The following COL6A5 variants were observed in gnomAD, a reference collection of about 807,000 sequenced individuals.
The protein encoded by COL6A5 is collagen type VI alpha 5 chain.
In COL6A5, 48 loss-of-function variants were observed where a neutral mutation model predicts 65.6. That is an observed-to-expected ratio of 0.73 (90% CI 0.58 to 0.93). The LOEUF (loss-of-function observed/expected upper bound fraction) is 0.93. COL6A5 is among the 40% of genes least tolerant of loss of function. The probability of loss-of-function intolerance (pLI) is 0.00; values close to 1 mark genes in which losing one functional copy is unlikely to be tolerated. For synonymous variants in COL6A5, 291 were observed against 322.8 expected (o/e 0.90, Z 1.05); for missense variants, 914 against 928.3 (o/e 0.98, Z 0.20).
intron 5 of COL6A5, among the ~76,000 whole-genome samples, chr3:130,465,880 G>T (rs1489448293): frequency 6.6e-6 from 1 of 151,998 alleles, no homozygotes; most frequent in Non-Finnish European, 1.5e-5. Flanking sequence ...AATTTGCAGG[G>T]TTGAAAACCA....
chr3:130,427,114 G>A (rs1020192472), upstream of COL6A5, among the ~76,000 whole-genome samples: 1 of 152,096 alleles, frequency 6.6e-6, no homozygotes, highest in Non-Finnish European at 1.5e-5. Context: ...ACCAAATATA[G>A]TTTTTATGAA....
chr3:130,370,737 G>A (rs1935524046), intron 1 of COL6A5, among the ~76,000 whole-genome samples: 1 of 152,140 alleles, frequency 6.6e-6, no homozygotes, highest in Non-Finnish European at 1.5e-5. Context: ...ATATTATTTG[G>A]TACCCAAAGG....
At chr3:130,402,059 A>G (rs1358876949) in intron 12 of COL6A5, among the ~76,000 whole-genome samples, 1 of 152,200 alleles carries the variant, frequency 6.6e-6, no homozygotes, top group Non-Finnish European at 1.5e-5. Flanking sequence ...TTTCTTTTAC[A>G]TACCCTTGGC....
At chr3:130,408,268 G>C (rs958583981) in intron 17 of COL6A5, among the ~76,000 whole-genome samples, 1 of 150,148 alleles carries the variant, frequency 6.7e-6, no homozygotes, top group Non-Finnish European at 1.5e-5. Flanking sequence ...CATTCCCGGT[G>C]TGGGGGTGGT....
chr3:130,410,113 G>A (rs1014485751), intron 19 of COL6A5, 39 bp downstream of exon 19: 1 of 1,386,780 alleles, frequency 7.2e-7, no homozygotes, highest in African/African-American at 1.4e-5. Flanking sequence ...GATTAATTCT[G>A]TTATTGATCC....
chr3:130,373,727 A>G (rs1252512888), intron 2 of COL6A5, 22 bp downstream of exon 2: 3 of 1,432,230 alleles, frequency 2.1e-6, no homozygotes, highest in South Asian at 1.3e-5. Context: ...TTTTACGTTT[A>G]TTATTATTTA....
intron 29 of COL6A5, 147 bp downstream of exon 29, chr3:130,424,047 G>T: frequency 1.8e-6 from 1 of 540,904 alleles, no homozygotes; most frequent in Non-Finnish European, 3.3e-6. Context: ...GGGTCTTTGA[G>T]TTTATTTCTA....
chr3:130,396,461 A>G (rs995476360), intron 8 of COL6A5, among the ~76,000 whole-genome samples: 2 of 152,218 alleles, frequency 1.3e-5, no homozygotes, highest in Non-Finnish European at 2.9e-5. Flanking sequence ...ACCTCCACAC[A>G]CGACTGTTTC....
intron 14 of COL6A5, 99 bp downstream of exon 14, chr3:130,405,758 C>A: frequency 9.5e-7 from 1 of 1,047,682 alleles, no homozygotes; most frequent in South Asian, 1.5e-5. Context: ...TTCCATCACT[C>A]CTCTCTCTTT....
intron 20 of COL6A5, 30 bp from the exon 21 acceptor site, chr3:130,413,515 C>T (rs1275267205): frequency 8.4e-6 from 13 of 1,543,502 alleles, no homozygotes; most frequent in African/African-American, 1.4e-5. Flanking sequence ...CAGACATCCA[C>T]ATACTAACAG....
chr3:130,358,373 G>A (rs1337944928), intron 1 of COL6A5, among the ~76,000 whole-genome samples: 1 of 152,012 alleles, frequency 6.6e-6, no homozygotes, highest in East Asian at 1.9e-4. Flanking sequence ...GTCTAAGCAA[G>A]CCAACAAGAA....
intron 4 of COL6A5, among the ~76,000 whole-genome samples, chr3:130,451,199 A>G (rs1012078661): frequency 1.7e-4 from 26 of 152,314 alleles, no homozygotes; most frequent in Middle Eastern, 3.4e-3. Flanking sequence ...GCGACCGGAT[A>G]AGTCCATGCG....
chr3:130,385,508 G>A, intron 5 of COL6A5, 144 bp downstream of exon 5: 1 of 878,996 alleles, frequency 1.1e-6, no homozygotes, highest in Non-Finnish European at 1.7e-6. Flanking sequence ...GAGGGATTCA[G>A]CCCCTCACTT....
chr3:130,400,989 C>T (rs1221304708), intron 10 of COL6A5, 42 bp from the exon 11 acceptor site: 8 of 1,459,052 alleles, frequency 5.5e-6, no homozygotes, highest in Non-Finnish European at 7.3e-6. Flanking sequence ...TTTTCATGTA[C>T]AACCCCTTTG....
At chr3:130,408,768 G>A (rs77856467) in intron 17 of COL6A5, among the ~76,000 whole-genome samples, 4,893 of 152,048 alleles carry the variant, frequency 0.032, 100 homozygotes, top group South Asian at 0.083. Flanking sequence ...TTATTTCTTA[G>A]ACTAGTGACA....
intron 1 of COL6A5, among the ~76,000 whole-genome samples, chr3:130,361,927 A>G (rs1298641627): frequency 6.6e-6 from 1 of 151,948 alleles, no homozygotes; most frequent in Non-Finnish European, 1.5e-5. Flanking sequence ...GAGTTTTCAG[A>G]GTTCTTTGTA....
intron 22 of COL6A5, 120 bp from the exon 23 acceptor site, chr3:130,415,525 G>A: frequency 2.4e-6 from 2 of 828,952 alleles, no homozygotes; most frequent in South Asian, 2.1e-5. Flanking sequence ...TTAATCTCAG[G>A]GTTAAAAGGC....
At chr3:130,400,023 A>G (rs1383494969) in intron 10 of COL6A5, among the ~76,000 whole-genome samples, 1 of 152,058 alleles carries the variant, frequency 6.6e-6, no homozygotes, top group Non-Finnish European at 1.5e-5. Flanking sequence ...TCGGCCTCCC[A>G]AAGTGCTGGG....
chr3:130,469,971 A>G (rs915414731), intron 6 of COL6A5, among the ~76,000 whole-genome samples: 1 of 152,072 alleles, frequency 6.6e-6, no homozygotes, highest in East Asian at 1.9e-4. Flanking sequence ...CTAAACCCTT[A>G]GCAAGGTGTA....
Sources: gnomAD v4.1 joint callset for allele counts (sites outside exome capture counted in the v4.1 genomes callset) on GRCh38, gnomAD v4.1.1 for gene constraint, MANE v1.5 for transcripts, NCBI Gene and HGNC (gene_info 2026-07-23, HGNC 2026-07-21) for gene names.